Variants in LEF1 observed in about 807,000 individuals in gnomAD.
LEF1 encodes lymphoid enhancer-binding factor 1.
In LEF1, 14 loss-of-function variants were observed where a neutral mutation model predicts 51.2. The ratio of observed to expected loss-of-function variants is 0.27; its 90% CI spans 0.18 to 0.43. The LOEUF is 0.43. Among genes scored for constraint, LEF1 ranks in the 20% least tolerant of loss-of-function variants. The pLI is 1.00. For missense variants in LEF1, 386 were observed against 512.0 expected (o/e 0.75, Z 2.37); for synonymous variants, 185 against 183.2 (o/e 1.01, Z -0.08).
chr4:108,158,340 A>G (rs1744857088), intron 3 of LEF1, among the ~76,000 whole-genome samples: 1 of 152,216 alleles, frequency 6.6e-6, no homozygotes, highest in East Asian at 1.9e-4. Flanking sequence ...AGCTTCCTAC[A>G]GATTGGCTCA....
rs1156631977 is a variant in LEF1 at position 108,167,023 on chromosome 4, C to A, written c.213+532G>T. Among the ~76,000 whole-genome samples the A allele has an allele frequency of 6.6e-6, 1 of 152,098 alleles. No individual in the cohort carries two copies. Among genetic ancestry groups the A allele is most frequent in the Admixed American group, 6.5e-5 (1 of 15,282 alleles). On this transcript the variant is annotated intron_variant, in intron 1 of 11. Transcript: ENST00000265165. This position sits in a 1 kb window ranked among gnomAD's most constrained non-coding sequence, Gnocchi z 5.7. ...CGGCCCGGCTCACCGGTGGTAGGGACGGCCCCGCCTGCCCCAGCCCACGCC... is the reference window on the plus strand; with the variant it reads ...CGGCCCGGCTCACCGGTGGTAGGGAAGGCCCCGCCTGCCCCAGCCCACGCC...
chr4:108,063,238 A>C (rs1737817939), intron 11 of LEF1, among the ~76,000 whole-genome samples: 1 of 152,198 alleles, frequency 6.6e-6, no homozygotes, highest in Non-Finnish European at 1.5e-5. Context: ...CTGGGCTAAA[A>C]TGGTGCTCCT....
At chr4:108,088,118 T>C (rs1159465622) in intron 4 of LEF1, among the ~76,000 whole-genome samples, 2 of 152,198 alleles carry the variant, frequency 1.3e-5, no homozygotes, top group Non-Finnish European at 2.9e-5. Context: ...CATTCTGTTT[T>C]AACAAGGAAG....
At position 108,079,873 on chromosome 4, in the gene LEF1, A is replaced by G. The variant is rs569533274; in HGVS notation, c.723-259T>C. Among the ~76,000 whole-genome samples the G allele has an allele frequency of 1.1e-4, 16 of 152,368 alleles. No homozygotes were observed. The South Asian group carries it at 3.1e-3, about 30-fold the overall frequency. The stretch of plus-strand genomic sequence containing the variant: ...TTCACGAAAAGTAATTATTGGAAAT[A>G]TAACACTTTATTTAAGACTTGACTT... On this transcript the variant is annotated intron_variant, in intron 6 of 11. Transcript: ENST00000265165.
chr4:108,062,593 A>G (rs2072313171), intron 11 of LEF1, among the ~76,000 whole-genome samples: 1 of 152,214 alleles, frequency 6.6e-6, no homozygotes. Flanking sequence ...GTACTGGCTA[A>G]GTTTCCAGGT....
chr4:108,105,550 CTT>C (rs1309935974), intron 3 of LEF1, among the ~76,000 whole-genome samples: 1 of 152,194 alleles, frequency 6.6e-6, no homozygotes, highest in African/African-American at 2.4e-5. Context: ...AAAAGCCACT[CTT>C]TGAATTTCAA....
chr4:108,086,635 A>G (rs1739663141), intron 4 of LEF1, among the ~76,000 whole-genome samples: 2 of 152,228 alleles, frequency 1.3e-5, no homozygotes, highest in Admixed American at 6.5e-5. Flanking sequence ...ATGCATTAAT[A>G]TATGTACTAC....
intron 3 of LEF1, among the ~76,000 whole-genome samples, chr4:108,153,343 T>C (rs17038678): frequency 0.041 from 6,261 of 152,304 alleles, 424 homozygotes; most frequent in African/African-American, 0.14. Flanking sequence ...AGGAAGTCCA[T>C]GGTTTGTATC....
chr4:108,139,300 T>TTC (rs764272839), intron 3 of LEF1, among the ~76,000 whole-genome samples: 1 of 152,236 alleles, frequency 6.6e-6, no homozygotes, highest in Non-Finnish European at 1.5e-5. Flanking sequence ...TTACATAGTT[T>TTC]TCAAAACAAT....
chr4:108,099,553 TG>T (rs1740625154), intron 3 of LEF1, among the ~76,000 whole-genome samples: 1 of 39,036 alleles, frequency 2.6e-5, no homozygotes, highest in Non-Finnish European at 6.7e-5. Flanking sequence ...TGTGTGTGTG[TG>T]TATGTGTGTG....
chr4:108,089,397 A>ATG, intron 3 of LEF1, 140 bp from the exon 4 acceptor site: 1 of 818,216 alleles, frequency 1.2e-6, no homozygotes. Context: ...ACAGGTGGAA[A>ATG]TGTCTCTTTT....
intron 3 of LEF1, among the ~76,000 whole-genome samples, chr4:108,102,628 T>C (rs1365956052): frequency 6.6e-6 from 1 of 152,144 alleles, no homozygotes; most frequent in Admixed American, 6.5e-5. Context: ...TACAGGGACA[T>C]GATGTTCAGT....
intron 2 of LEF1, among the ~76,000 whole-genome samples, chr4:108,164,045 TAATATA>T (rs1745236367): frequency 6.6e-6 from 1 of 152,202 alleles, no homozygotes; most frequent in African/African-American, 2.4e-5. Flanking sequence ...TTTAAAAATG[TAATATA>T]AATATATTAG....
chr4:108,056,788 T>C (rs908945396), intron 11 of LEF1, among the ~76,000 whole-genome samples: 3 of 151,912 alleles, frequency 2.0e-5, no homozygotes, highest in African/African-American at 7.3e-5. Context: ...CCACCTCCTA[T>C]GCAGCGATCT....
In LEF1 at chr4:108,167,791, T is replaced by C; in HGVS notation, c.-24A>G. The stretch of plus-strand genomic sequence containing the variant: ...ATCCCGGCGGCTCTGTAATCTCCGC[T>C]CCGCTGTGGGAGCACCCGCGCAACA... On this transcript the variant is annotated 5_prime_UTR_variant, in exon 1 of 12. Transcript: ENST00000265165. The surrounding 1 kb of genome is among the most constrained non-coding windows in gnomAD (Gnocchi z 5.7). The C allele has an allele frequency of 6.2e-7, 1 of 1,604,298 alleles. No homozygotes were observed. The highest frequency in any genetic ancestry group is 8.5e-7 in the Non-Finnish European group (1 of 1,176,494).
At chr4:108,050,931 C>A (rs145307110) in intron 11 of LEF1, among the ~76,000 whole-genome samples, 12 of 152,264 alleles carry the variant, frequency 7.9e-5, no homozygotes, top group Admixed American at 2.0e-4. Flanking sequence ...CCTGCACTTC[C>A]GGCTCCACCA....
At chr4:108,107,503 TTTTA>T (rs1741244843) in intron 3 of LEF1, among the ~76,000 whole-genome samples, 2 of 99,794 alleles carry the variant, frequency 2.0e-5, no homozygotes, top group Admixed American at 1.8e-4. Flanking sequence ...AAAAGGCTTA[TTTTA>T]TTTTTTTTAA....
In LEF1 at chr4:108,116,180, G is replaced by A. The variant is rs186108964; in HGVS notation, c.415-26923C>T. 1.9e-4 allele frequency among the ~76,000 whole-genome samples: 29 copies of A among 152,226 alleles called. No individual in the cohort carries two copies. The East Asian group carries it at 3.9e-3, about 20-fold the overall frequency. On this transcript the variant is annotated intron_variant, in intron 3 of 11. Transcript: ENST00000265165. ...ACTCAAACAGTGAAAAGGGCAGGGGGACATGAGCTGGACTCAGCTGACAGG... is the reference window on the plus strand; with the variant it reads ...ACTCAAACAGTGAAAAGGGCAGGGGAACATGAGCTGGACTCAGCTGACAGG...
intron 3 of LEF1, among the ~76,000 whole-genome samples, chr4:108,151,153 T>A (rs1424358009): frequency 6.6e-6 from 1 of 151,844 alleles, no homozygotes; most frequent in Non-Finnish European, 1.5e-5. Flanking sequence ...CTTTCCAAAT[T>A]AATTATTTCC....
Sources: allele counts gnomAD v4.1 joint callset (sites outside exome capture counted in the v4.1 genomes callset), GRCh38; gene constraint gnomAD v4.1.1; non-coding constraint Gnocchi (gnomAD v3.1); transcripts MANE v1.5; gene names NCBI Gene and HGNC (gene_info 2026-07-23, HGNC 2026-07-21).